The following RIMS1 variants were observed in gnomAD, a reference collection of about 807,000 sequenced individuals.
RIMS1 encodes regulating synaptic membrane exocytosis 1, also known as regulating synaptic membrane exocytosis protein 1.
A neutral mutation model predicts 214.1 loss-of-function variants in RIMS1; 83 were observed. The observed-to-expected ratio is 0.39, with a 90% CI of 0.32 to 0.47. The LOEUF (loss-of-function observed/expected upper bound fraction) is 0.47, where lower values mean the gene tolerates loss of function less well. Ranked by LOEUF, RIMS1 falls within the 20% of genes least tolerant of loss-of-function variation. The pLI, the probability that RIMS1 is intolerant of heterozygous loss-of-function variation, is 0.99. For synonymous variants in RIMS1, 793 were observed against 786.8 expected (o/e 1.01, Z -0.13); for missense variants, 2,050 against 2,161.8 (o/e 0.95, Z 1.03).
chr6:71,958,204 C>T lies in RIMS1; in HGVS notation c.165-10779C>T, dbSNP rs147035457. Among the ~76,000 whole-genome samples the T allele has an allele frequency of 5.3e-5, 8 of 152,156 alleles. No individual in the cohort carries two copies. In the East Asian group the frequency reaches 1.3e-3, roughly 26 times the overall value. ...GGTGATCATAACATTTGTCATGGTA[C>T]GTGGCACAGAGCAGGTTTCCTGTAT... On this transcript the variant is annotated intron_variant, in intron 1 of 33. Coordinates refer to ENST00000521978, the MANE Select transcript of RIMS1 (RefSeq NM_014989.7).
intron 24 of RIMS1, among the ~76,000 whole-genome samples, chr6:72,287,260 A>G (rs1014401227): frequency 6.6e-6 from 1 of 152,248 alleles, no homozygotes; most frequent in Non-Finnish European, 1.5e-5. Flanking sequence ...GGACCAGCAC[A>G]GTAGGAACCA....
chr6:72,338,630 AC>A (rs1466104371), intron 29 of RIMS1, among the ~76,000 whole-genome samples: 1 of 152,172 alleles, frequency 6.6e-6, no homozygotes, highest in Non-Finnish European at 1.5e-5. Context: ...CAAGAAAAAA[AC>A]AACCCCATCA....
At chr6:72,003,077 C>T (rs1023876846) in intron 2 of RIMS1, among the ~76,000 whole-genome samples, 4 of 152,040 alleles carry the variant, frequency 2.6e-5, no homozygotes, top group Non-Finnish European at 5.9e-5. Context: ...AGAGAATTAC[C>T]AGAACTCCGT....
chr6:72,179,653 C>T lies in RIMS1; in HGVS notation c.550C>T (p.Pro184Ser). The change falls in exon 5 of 34, where the codon CCT becomes TCT. Residue 184 changes from proline to serine, a missense_variant. Physicochemically the swap from Pro to Ser is moderately conservative, Grantham distance 74 (BLOSUM62 -1). Transcript: ENST00000521978. ...TGGGGCATGGTTCTTTGGAAGTGGC[C>T]CTCAGCAGACAAGTCAGGATGGAAC... ...KSGAWFFGSG[P>S]QQTSQDGTLS... 6.2e-7 allele frequency: 1 copy of T among 1,613,842 alleles called. No individual in the cohort carries two copies. The highest frequency in any genetic ancestry group is 8.5e-7 in the Non-Finnish European group (1 of 1,179,864).
rs377564767 is a variant in RIMS1, at chr6:72,106,920, A to G, written c.471+6934A>G. Among the ~76,000 whole-genome samples, 13 of 152,342 alleles carry G rather than the reference A, an allele frequency of 8.5e-5. No individual in the cohort carries two copies. In the East Asian group the frequency reaches 1.4e-3, roughly 16 times the overall value. On this transcript the variant is annotated intron_variant, in intron 4 of 33. Coordinates refer to ENST00000521978, the MANE Select transcript of RIMS1 (RefSeq NM_014989.7). ...GATTAACTTCACTTACCAGCTATCA[A>G]TAACTACTAACTTCTCTTAGTATAT... is the stretch of plus-strand genomic sequence containing the variant.
At chr6:72,390,797 G>C in intron 30 of RIMS1, 61 bp downstream of exon 30, 2 of 1,568,872 alleles carry the variant, frequency 1.3e-6, no homozygotes, top group Non-Finnish European at 1.7e-6. Context: ...TAATCAGTAA[G>C]ATAACAAAGC....
chr6:72,112,470 A>G (rs185205820), intron 4 of RIMS1, among the ~76,000 whole-genome samples: 105 of 152,084 alleles, frequency 6.9e-4, no homozygotes, highest in African/African-American at 2.3e-3. Context: ...ATTGTACCCA[A>G]CACCCTGCAT....
chr6:72,048,689 CG>C (rs1823765097), intron 2 of RIMS1, among the ~76,000 whole-genome samples: 1 of 152,152 alleles, frequency 6.6e-6, no homozygotes, highest in Non-Finnish European at 1.5e-5. Context: ...TAATGAAAAA[CG>C]GTATCCTCCT....
intron 18 of RIMS1, among the ~76,000 whole-genome samples, chr6:72,259,608 T>TGGA (rs1393836793): frequency 1.9e-5 from 2 of 103,362 alleles, no homozygotes; most frequent in Non-Finnish European, 3.7e-5. Flanking sequence ...TTCTAGAAAA[T>TGGA]GTCTATAGAA....
intron 4 of RIMS1, among the ~76,000 whole-genome samples, chr6:72,158,638 C>T: frequency 7.5e-6 from 1 of 133,372 alleles, no homozygotes; most frequent in Non-Finnish European, 1.7e-5. Flanking sequence ...CAATTCCCAC[C>T]TATGAGTGAG....
At chr6:72,342,529 C>CG (rs1309152041) in intron 29 of RIMS1, among the ~76,000 whole-genome samples, 1 of 151,608 alleles carries the variant, frequency 6.6e-6, no homozygotes, top group Non-Finnish European at 1.5e-5. Flanking sequence ...GGAAAGAGAT[C>CG]AAATGTAGCA....
At chr6:71,997,764 T>C (rs184277692) in intron 2 of RIMS1, among the ~76,000 whole-genome samples, 1 of 152,300 alleles carries the variant, frequency 6.6e-6, no homozygotes, top group East Asian at 1.9e-4. Flanking sequence ...GCTCCTATTT[T>C]AGAATCTCAG....
chr6:72,208,561 T>G (rs1165256574), intron 6 of RIMS1, among the ~76,000 whole-genome samples: 1 of 152,196 alleles, frequency 6.6e-6, no homozygotes, highest in African/African-American at 2.4e-5. Context: ...GACTAAAACA[T>G]TTGTGCCAAG....
intron 2 of RIMS1, among the ~76,000 whole-genome samples, chr6:72,002,577 G>A (rs187466497): frequency 1.6e-4 from 24 of 152,288 alleles, no homozygotes; most frequent in Admixed American, 3.3e-4. Flanking sequence ...GGAAGCATGC[G>A]TGGCAGCCTG....
intron 29 of RIMS1, among the ~76,000 whole-genome samples, chr6:72,346,659 T>C (rs1001808298): frequency 6.6e-6 from 1 of 151,758 alleles, no homozygotes; most frequent in Non-Finnish European, 1.5e-5. Flanking sequence ...TGGCTTAGAG[T>C]CTGGTTTTTA....
intron 4 of RIMS1, among the ~76,000 whole-genome samples, chr6:72,138,133 T>C (rs1347344150): frequency 6.6e-6 from 1 of 152,166 alleles, no homozygotes; most frequent in Non-Finnish European, 1.5e-5. Context: ...AGGTAGACTT[T>C]CCTCCTTTTA....
chr6:72,071,988 T>G (rs545886979), intron 2 of RIMS1, among the ~76,000 whole-genome samples: 1 of 152,200 alleles, frequency 6.6e-6, no homozygotes, highest in African/African-American at 2.4e-5. Context: ...ATGCCAGTTA[T>G]GGAGATAGTG....
At chr6:72,215,606 TAGAC>T (rs1270978623) in intron 6 of RIMS1, among the ~76,000 whole-genome samples, 3 of 152,334 alleles carry the variant, frequency 2.0e-5, no homozygotes, top group East Asian at 1.9e-4. Context: ...ATAAAATTAA[TAGAC>T]AGTATAATAT....
intron 29 of RIMS1, among the ~76,000 whole-genome samples, chr6:72,348,275 A>C (rs2097333632): frequency 6.6e-6 from 1 of 151,938 alleles, no homozygotes; most frequent in Non-Finnish European, 1.5e-5. Flanking sequence ...ACAAATGCAA[A>C]TCCAAAATAA....
Sources: gnomAD v4.1 joint callset for allele counts (sites outside exome capture counted in the v4.1 genomes callset) on GRCh38, gnomAD v4.1.1 for gene constraint, MANE v1.5 for transcripts, NCBI Gene and HGNC (gene_info 2026-07-23, HGNC 2026-07-21) for gene names.